TBC1D32: variants seen among roughly 807,000 people sequenced by gnomAD.
TBC1D32 encodes the protein TBC1 domain family member 32.
Under a neutral mutation model 170.3 loss-of-function variants are expected in TBC1D32, and 151 were observed. The observed-to-expected ratio is 0.89, with a 90% CI of 0.78 to 1.01. The LOEUF is 1.01. Among genes scored for constraint, TBC1D32 ranks in the 50% least tolerant of loss-of-function variants. The probability of loss-of-function intolerance (pLI) is 0.00; values close to 1 mark genes in which losing one functional copy is unlikely to be tolerated. For synonymous variants in TBC1D32, 498 were observed against 488.0 expected (o/e 1.02, Z -0.27); for missense variants, 1,464 against 1,457.1 (o/e 1.00, Z -0.08).
At chr6:121,214,747 G>A (rs912672428) in intron 21 of TBC1D32, among the ~76,000 whole-genome samples, 5 of 152,184 alleles carry the variant, frequency 3.3e-5, no homozygotes, top group African/African-American at 7.2e-5. Flanking sequence ...CCACAACAGG[G>A]TGAGCATGAG....
rs1808080713 is a variant in TBC1D32 at position 121,310,839 on chromosome 6, T to C, written c.504A>G (p.Lys168=). ...TCAATTGTAATTTTCCTTGACAAAATTTGTAACTCTGTAACACAATTGTCA... is the reference window on the plus strand; with the variant it reads ...TCAATTGTAATTTTCCTTGACAAAACTTGTAACTCTGTAACACAATTGTCA... ...DSDSSLNQSY[K]FCQGKLQLIL... Residue 168 remains lysine (K), a synonymous_variant, in exon 4 of 32, where the codon AAA becomes AAG. Coordinates refer to ENST00000398212, the MANE Select transcript of TBC1D32 (RefSeq NM_152730.6). The C allele has an allele frequency of 1.3e-6, 2 of 1,578,910 alleles. No individual in the cohort carries two copies. The highest frequency in any genetic ancestry group is 1.3e-5 in the African/African-American group (1 of 74,290).
chr6:121,292,308 G>A (rs1256019979), intron 11 of TBC1D32, 115 bp from the exon 12 acceptor site: 5 of 1,065,762 alleles, frequency 4.7e-6, no homozygotes, highest in East Asian at 2.8e-5. Flanking sequence ...AGACATTACT[G>A]GTCAAAAATT....
chr6:121,086,856 T>G (rs76048401), intron 31 of TBC1D32, among the ~76,000 whole-genome samples: 1 of 152,166 alleles, frequency 6.6e-6, no homozygotes, highest in Non-Finnish European at 1.5e-5. Context: ...ACTAAACCTG[T>G]TTGTGTGTGT....
At chr6:121,220,120 A>C (rs1794326050) in intron 21 of TBC1D32, among the ~76,000 whole-genome samples, 1 of 152,210 alleles carries the variant, frequency 6.6e-6, no homozygotes, top group Admixed American at 6.5e-5. Context: ...GTTCAAATAA[A>C]AGGAAAAGTT....
At chr6:121,137,824 T>A (rs184433178) in intron 24 of TBC1D32, among the ~76,000 whole-genome samples, 1 of 149,928 alleles carries the variant, frequency 6.7e-6, no homozygotes, top group Non-Finnish European at 1.5e-5. Context: ...AAGGAAAACA[T>A]GCAATCTACA....
chr6:121,105,818 C>G (rs1456182855), intron 30 of TBC1D32, among the ~76,000 whole-genome samples: 1 of 151,958 alleles, frequency 6.6e-6, no homozygotes, highest in Admixed American at 6.6e-5. Context: ...AAGGTCTATG[C>G]CCTGAATAGC....
chr6:121,168,707 T>A (rs1391691640), intron 22 of TBC1D32, among the ~76,000 whole-genome samples: 36 of 12,432 alleles, frequency 2.9e-3, no homozygotes, highest in Non-Finnish European at 4.3e-3. Context: ...AAACTTAGAG[T>A]ATAATAAAAA....
At chr6:121,092,293 G>GTTTTTTTTTTTGTT (rs1776889645) in intron 30 of TBC1D32, among the ~76,000 whole-genome samples, 1 of 50,388 alleles carries the variant, frequency 2.0e-5, no homozygotes, top group Non-Finnish European at 4.3e-5. Flanking sequence ...TCAGTTTTAT[G>GTTTTTTTTTTTGTT]TTTTTTTTTT....
At chr6:121,218,366 C>T (rs927237314) in intron 21 of TBC1D32, among the ~76,000 whole-genome samples, 12 of 152,174 alleles carry the variant, frequency 7.9e-5, no homozygotes, top group African/African-American at 2.9e-4. Context: ...TGTGTCCCCA[C>T]CCAAATCTCA....
chr6:121,173,796 A>C (rs530591474), intron 22 of TBC1D32, among the ~76,000 whole-genome samples: 6 of 152,158 alleles, frequency 3.9e-5, no homozygotes, highest in Non-Finnish European at 8.8e-5. Context: ...AATTCCATCT[A>C]ACCAGGAGCA....
intron 24 of TBC1D32, among the ~76,000 whole-genome samples, chr6:121,147,741 G>C (rs1275584778): frequency 6.6e-6 from 1 of 151,862 alleles, no homozygotes; most frequent in Non-Finnish European, 1.5e-5. Flanking sequence ...ACAGGTGCCT[G>C]CCACCACACC....
chr6:121,138,871 G>T (rs1223199108), intron 24 of TBC1D32, among the ~76,000 whole-genome samples: 1 of 149,086 alleles, frequency 6.7e-6, no homozygotes, highest in Non-Finnish European at 1.5e-5. Flanking sequence ...TTGAGACGGA[G>T]TCTCGCTCTG....
At chr6:121,270,588 A>G (rs1215708379) in intron 15 of TBC1D32, among the ~76,000 whole-genome samples, 1 of 152,176 alleles carries the variant, frequency 6.6e-6, no homozygotes, top group Non-Finnish European at 1.5e-5. Flanking sequence ...GAATAGACCA[A>G]TATCAGGCTC....
At chr6:121,159,337 T>C (rs1398233477) in intron 24 of TBC1D32, among the ~76,000 whole-genome samples, 2 of 152,194 alleles carry the variant, frequency 1.3e-5, no homozygotes, top group Admixed American at 6.5e-5. Context: ...GTATAGCACA[T>C]AGCAGTTACT....
chr6:121,169,342 G>A (rs971907291), intron 22 of TBC1D32, among the ~76,000 whole-genome samples: 1 of 152,126 alleles, frequency 6.6e-6, no homozygotes. Context: ...TTAATAAATA[G>A]TGCTGGGAGA....
At chr6:121,208,517 T>C (rs542423573) in intron 21 of TBC1D32, among the ~76,000 whole-genome samples, 10 of 151,860 alleles carry the variant, frequency 6.6e-5, no homozygotes, top group Middle Eastern at 3.4e-3. Flanking sequence ...CCATGACACA[T>C]GGGGATTACG....
chr6:121,256,826 TG>T (rs1164967127), intron 15 of TBC1D32, among the ~76,000 whole-genome samples: 1 of 151,968 alleles, frequency 6.6e-6, no homozygotes, highest in Non-Finnish European at 1.5e-5. Flanking sequence ...CATGCTACCA[TG>T]CCTGGCTAAT....
chr6:121,106,807 T>C (rs1019499697), intron 29 of TBC1D32, among the ~76,000 whole-genome samples: 1 of 151,980 alleles, frequency 6.6e-6, no homozygotes, highest in African/African-American at 2.4e-5. Flanking sequence ...AATTTTATAT[T>C]GATAGTTACT....
chr6:121,217,713 G>C (rs1794009848), intron 21 of TBC1D32, among the ~76,000 whole-genome samples: 1 of 152,108 alleles, frequency 6.6e-6, no homozygotes, highest in Non-Finnish European at 1.5e-5. Flanking sequence ...GTACCTGGGT[G>C]ATGAAATAAT....
Sources: gnomAD v4.1 joint callset for allele counts (sites outside exome capture counted in the v4.1 genomes callset) on GRCh38, gnomAD v4.1.1 for gene constraint, MANE v1.5 for transcripts, NCBI Gene and HGNC (gene_info 2026-07-23, HGNC 2026-07-21) for gene names.